TSPAN18: variants seen among roughly 807,000 people sequenced by gnomAD.
The protein encoded by TSPAN18 is tetraspanin 18, also known as tetraspanin-18.
TSPAN18 carries 14 observed loss-of-function variants against 27.3 expected under a neutral mutation model. The observed-to-expected ratio is 0.51, with a 90% CI of 0.34 to 0.80. The LOEUF (loss-of-function observed/expected upper bound fraction) is 0.80. Ranked by LOEUF, TSPAN18 falls within the 30% of genes least tolerant of loss-of-function variation. TSPAN18 has a pLI of 0.01. For missense variants in TSPAN18, 268 were observed against 323.9 expected (o/e 0.83, Z 1.32); for synonymous variants, 143 against 136.5 (o/e 1.05, Z -0.33).
At chr11:44,903,327 G>A in intron 3 of TSPAN18, 1 of 433,968 alleles carries the variant, frequency 2.3e-6, no homozygotes, top group South Asian at 1.7e-5. Flanking sequence ...AGCATGAGCA[G>A]AGGCACCAAG....
intron 2 of TSPAN18, among the ~76,000 whole-genome samples, chr11:44,800,006 G>GGTTTTT (rs1554985027): frequency 9.1e-6 from 1 of 109,398 alleles, no homozygotes. Flanking sequence ...AATTTTTTGT[G>GGTTTTT]TTTTTTTTTT....
rs1424676519 is a variant in TSPAN18 at position 44,900,980 on chromosome 11, C to G, written c.-10-5427C>G. Among the ~76,000 whole-genome samples, 3 of 152,270 alleles carry G rather than the reference C, an allele frequency of 2.0e-5. No individual in the cohort carries two copies. The East Asian group carries it at 5.8e-4, about 29-fold the overall frequency. On this transcript the variant is annotated intron_variant, in intron 3 of 9. Transcript: ENST00000520358. ...AAAGTGCTGGGATTACAAGCGTGAGCCACCGCGCCCGGCCGAGGAAGGCAT... is the reference window on the plus strand; with the variant it reads ...AAAGTGCTGGGATTACAAGCGTGAGGCACCGCGCCCGGCCGAGGAAGGCAT...
chr11:44,846,097 G>T (rs146121632), intron 2 of TSPAN18, among the ~76,000 whole-genome samples: 118 of 152,350 alleles, frequency 7.7e-4, no homozygotes, highest in Middle Eastern at 6.8e-3. Flanking sequence ...TACTTTGCAG[G>T]TGGCATCTCT....
chr11:44,766,349 C>A (rs1401647469), intron 2 of TSPAN18, among the ~76,000 whole-genome samples: 1 of 152,210 alleles, frequency 6.6e-6, no homozygotes, highest in Non-Finnish European at 1.5e-5. Flanking sequence ...TCCCACGGCT[C>A]ACCCTGCCAG....
intron 2 of TSPAN18, among the ~76,000 whole-genome samples, chr11:44,780,908 C>T (rs1384396684): frequency 1.3e-5 from 2 of 152,238 alleles, no homozygotes; most frequent in Non-Finnish European, 2.9e-5. Context: ...GGTGGGGACC[C>T]TGGGAAACAG....
rs150931457 is a variant in TSPAN18 at position 44,728,250 on chromosome 11, C to T, written c.-240+963C>T. ...CTAGGAGTCAGGATGTGATTTTTCT[C>T]GGGAAGGCTGCCAGGGCAAATGGAT... On this transcript the variant is annotated intron_variant, in intron 1 of 9. Coordinates refer to ENST00000520358, the MANE Select transcript of TSPAN18 (RefSeq NM_130783.5). 4.0e-3 allele frequency among the ~76,000 whole-genome samples: 602 copies of T among 152,278 alleles called. 2 individuals carry two copies. The highest frequency in any genetic ancestry group is 0.014 in the African/African-American group (561 of 41,552).
intron 2 of TSPAN18, among the ~76,000 whole-genome samples, chr11:44,848,571 C>T (rs1857532019): frequency 6.6e-6 from 1 of 151,824 alleles, no homozygotes; most frequent in Non-Finnish European, 1.5e-5. Context: ...AAGTCTGCAA[C>T]ATAACAGGAA....
In TSPAN18 at chr11:44,853,858, G is replaced by A. The variant is rs574368116; in HGVS notation, c.-152-6470G>A. ...AGGCCGCAGCCCTCTGGGCCTCCCG[G>A]TTCTGTGTGGTGGGGACATCAGCCC... On this transcript the variant is annotated intron_variant, in intron 2 of 9. Coordinates refer to ENST00000520358, the MANE Select transcript of TSPAN18 (RefSeq NM_130783.5). 2.6e-5 allele frequency among the ~76,000 whole-genome samples: 4 copies of A among 152,282 alleles called. No individual in the cohort carries two copies. The East Asian group carries it at 7.7e-4, about 29-fold the overall frequency.
chr11:44,896,794 A>G (rs140537611), intron 3 of TSPAN18, among the ~76,000 whole-genome samples: 8 of 151,616 alleles, frequency 5.3e-5, no homozygotes, highest in Non-Finnish European at 1.2e-4. Context: ...CACCACCACC[A>G]CCACCACTAC....
chr11:44,831,315 C>T (rs1021271431), intron 2 of TSPAN18, among the ~76,000 whole-genome samples: 1 of 151,996 alleles, frequency 6.6e-6, no homozygotes, highest in Non-Finnish European at 1.5e-5. Flanking sequence ...CCTCAGGAAC[C>T]GATGAAGAGG....
intron 2 of TSPAN18, among the ~76,000 whole-genome samples, chr11:44,855,993 C>T: frequency 6.6e-6 from 1 of 152,020 alleles, no homozygotes; most frequent in East Asian, 1.9e-4. Context: ...AGTGATTCTT[C>T]TGCCTCAGCC....
chr11:44,862,713 A>C (rs1478177760), intron 3 of TSPAN18, among the ~76,000 whole-genome samples: 1 of 152,168 alleles, frequency 6.6e-6, no homozygotes, highest in African/African-American at 2.4e-5. Context: ...CCCTCGCCTG[A>C]TGTCTCAGAC....
intron 4 of TSPAN18, 104 bp downstream of exon 4, chr11:44,906,583 C>A: frequency 2.6e-6 from 3 of 1,169,744 alleles, no homozygotes; most frequent in East Asian, 2.4e-5. Context: ...GCACAGGGGC[C>A]GGCGCTAGAG....
At chr11:44,915,062 G>A (rs1230154928) in intron 5 of TSPAN18, among the ~76,000 whole-genome samples, 1 of 152,250 alleles carries the variant, frequency 6.6e-6, no homozygotes, top group Non-Finnish European at 1.5e-5. Flanking sequence ...CCTGTGATCT[G>A]CTTCGTCCAT....
intron 7 of TSPAN18, 180 bp from the exon 8 acceptor site, chr11:44,919,637 G>A: frequency 1.5e-6 from 1 of 670,756 alleles, no homozygotes; most frequent in Non-Finnish European, 2.6e-6. Flanking sequence ...TAGAGATGAG[G>A]ACACTGAAGG....
intron 2 of TSPAN18, among the ~76,000 whole-genome samples, chr11:44,830,480 G>A (rs1726270191): frequency 6.6e-6 from 1 of 152,192 alleles, no homozygotes; most frequent in South Asian, 2.1e-4. Context: ...GGCCAGTTTA[G>A]TTGGGCAGAC....
At chr11:44,862,208 T>TGGCCA (rs1396213655) in intron 3 of TSPAN18, among the ~76,000 whole-genome samples, 17 of 152,216 alleles carry the variant, frequency 1.1e-4, no homozygotes, top group African/African-American at 3.9e-4. Context: ...AGGGTACACG[T>TGGCCA]GGCCAGGCCA....
chr11:44,848,456 C>T (rs1857529962), intron 2 of TSPAN18, among the ~76,000 whole-genome samples: 1 of 152,204 alleles, frequency 6.6e-6, no homozygotes, highest in African/African-American at 2.4e-5. Flanking sequence ...TACTTCTTTC[C>T]CTCTCTTCAG....
At chr11:44,819,593 G>A (rs1565163966) in intron 2 of TSPAN18, among the ~76,000 whole-genome samples, 2 of 152,040 alleles carry the variant, frequency 1.3e-5, no homozygotes, top group South Asian at 2.1e-4. Context: ...ATTAATAGAC[G>A]CTCATGCTGC....
Sources: gnomAD v4.1 joint callset for allele counts (sites outside exome capture counted in the v4.1 genomes callset) on GRCh38, gnomAD v4.1.1 for gene constraint, MANE v1.5 for transcripts, NCBI Gene and HGNC (gene_info 2026-07-23, HGNC 2026-07-21) for gene names.